Variants in PDE10A observed in about 807,000 individuals in gnomAD.
PDE10A encodes the protein cAMP and cAMP-inhibited cGMP 3',5'-cyclic phosphodiesterase 10A.
In PDE10A, 39 loss-of-function variants were observed where a neutral mutation model predicts 97.7. The ratio of observed to expected loss-of-function variants is 0.40; its 90% CI spans 0.31 to 0.52. PDE10A has a LOEUF of 0.52. Ranked by LOEUF, PDE10A falls within the 20% of genes least tolerant of loss-of-function variation. PDE10A has a pLI of 0.56. For synonymous variants in PDE10A, 371 were observed against 376.8 expected (o/e 0.98, Z 0.18); for missense variants, 731 against 1,047.8 (o/e 0.70, Z 4.17).
chr6:165,388,470 G>T lies in PDE10A; in HGVS notation c.2455-17C>A. The T allele has an allele frequency of 6.2e-7, 1 of 1,611,900 alleles. No homozygotes were observed. Among genetic ancestry groups the T allele is most frequent in the Non-Finnish European group, 8.5e-7 (1 of 1,178,606 alleles). On this transcript the variant is annotated splice_polypyrimidine_tract_variant and intron_variant, in intron 16 of 21. Coordinates refer to ENST00000539869, the MANE Select transcript of PDE10A (RefSeq NM_001385079.1). This position sits in a 1 kb window ranked among gnomAD's most constrained non-coding sequence, Gnocchi z 4.0. Reference sequence around the variant, plus strand: ...TCCTTTGCGCTTTAAAAAATAATATGATGCAGAGATGCTCAAAACACAGAA... The same window carrying T: ...TCCTTTGCGCTTTAAAAAATAATATTATGCAGAGATGCTCAAAACACAGAA...
chr6:165,635,251 T>C (rs915946674), intron 1 of PDE10A, among the ~76,000 whole-genome samples: 17 of 152,112 alleles, frequency 1.1e-4, no homozygotes, highest in Non-Finnish European at 4.4e-5. Context: ...CAAAATAAAA[T>C]AGCATTAAAA....
chr6:165,853,779 G>C (rs549324495), intron 1 of PDE10A, among the ~76,000 whole-genome samples: 2 of 152,328 alleles, frequency 1.3e-5, no homozygotes, highest in South Asian at 4.1e-4. Context: ...ATAACTTTTA[G>C]GAACGTAGCA....
At position 165,819,908 on chromosome 6, in the gene PDE10A, G is replaced by T. The variant is rs1475459886; in HGVS notation, c.-615+167621C>A. ...CTCTGTTTGTATGTAATAATCAGTG[G>T]TTAATATGGAATTCAGTAACACAAG... is the stretch of plus-strand genomic sequence containing the variant. On this transcript the variant is annotated intron_variant, in intron 1 of 19. Transcript: ENST00000366882. The surrounding 1 kb of genome is among the most constrained non-coding windows in gnomAD (Gnocchi z 4.2). Among the ~76,000 whole-genome samples the T allele has an allele frequency of 6.6e-6, 1 of 152,126 alleles. No individual in the cohort carries two copies. The highest frequency in any genetic ancestry group is 1.5e-5 in the Non-Finnish European group (1 of 68,038).
intron 1 of PDE10A, among the ~76,000 whole-genome samples, chr6:165,962,512 A>G (rs1369162073): frequency 6.6e-6 from 1 of 152,206 alleles, no homozygotes; most frequent in Non-Finnish European, 1.5e-5. Context: ...AAAGTCATGG[A>G]GAAATACCTT....
intron 1 of PDE10A, among the ~76,000 whole-genome samples, chr6:165,757,834 G>A (rs1248420695): frequency 2.6e-5 from 4 of 152,044 alleles, no homozygotes; most frequent in African/African-American, 4.8e-5. Context: ...TAATTTTTAT[G>A]TTTATTAGAA....
intron 1 of PDE10A, among the ~76,000 whole-genome samples, chr6:165,691,097 CTTTCTCT>C (rs1562686850): frequency 9.6e-5 from 4 of 41,760 alleles, no homozygotes; most frequent in African/African-American, 2.4e-4. Flanking sequence ...CTCTCTCTCT[CTTTCTCT>C]CTCCCCCCCC....
chr6:165,570,740 T>A (rs1045300434), intron 1 of PDE10A, among the ~76,000 whole-genome samples: 2 of 152,236 alleles, frequency 1.3e-5, no homozygotes, highest in Non-Finnish European at 2.9e-5. Flanking sequence ...AAACTACGTC[T>A]TAATCATCTT....
At position 165,687,575 on chromosome 6, in the gene PDE10A, A is replaced by G. The variant is rs915041560; in HGVS notation, c.-614-144007T>C. Reference sequence around the variant, plus strand: ...CTCAGTATTTGGATAGTGTTACCAAAGGAGCAACTGAAAAACGATTCTTTC... The same window carrying G: ...CTCAGTATTTGGATAGTGTTACCAAGGGAGCAACTGAAAAACGATTCTTTC... On this transcript the variant is annotated intron_variant, in intron 1 of 19. Transcript: ENST00000366882. Among the ~76,000 whole-genome samples, 3 of 152,212 alleles carry G rather than the reference A, an allele frequency of 2.0e-5. 1 individual carries two copies. Among genetic ancestry groups the G allele is most frequent in the African/African-American group, 2.4e-5 (1 of 41,464 alleles).
At chr6:165,619,605 C>CT (rs1195251728) in intron 1 of PDE10A, among the ~76,000 whole-genome samples, 1 of 11,586 alleles carries the variant, frequency 8.6e-5, no homozygotes. Flanking sequence ...TAGCGTAGTG[C>CT]ACTGTAGTCT....
chr6:165,956,833 G>A (rs1425610810), intron 1 of PDE10A, among the ~76,000 whole-genome samples: 1 of 152,184 alleles, frequency 6.6e-6, no homozygotes, highest in Non-Finnish European at 1.5e-5. Flanking sequence ...CTTAAGACCT[G>A]GCCATAGGCA....
At position 165,692,690 on chromosome 6, in the gene PDE10A, A is replaced by G. The variant is rs188932343; in HGVS notation, c.-614-149122T>C. On this transcript the variant is annotated intron_variant, in intron 1 of 19. Transcript: ENST00000366882. Reference sequence around the variant, plus strand: ...GCAGTAACGCATGCTGTACACAGACATGCCCTGCTAACCTTAGACAGCAGG... The same window carrying G: ...GCAGTAACGCATGCTGTACACAGACGTGCCCTGCTAACCTTAGACAGCAGG... Among the ~76,000 whole-genome samples the G allele has an allele frequency of 2.4e-4, 36 of 152,370 alleles. 1 individual carries two copies. The highest frequency in any genetic ancestry group is 2.1e-3 in the Admixed American group (32 of 15,304).
chr6:165,769,394 AG>A (rs1251018598), intron 1 of PDE10A, among the ~76,000 whole-genome samples: 1 of 152,226 alleles, frequency 6.6e-6, no homozygotes, highest in African/African-American at 2.4e-5. Flanking sequence ...ACTATAGAGT[AG>A]GTAGTCTATT....
chr6:165,343,316 A>C (rs751158189), intron 19 of PDE10A, 75 bp downstream of exon 19: 1 of 1,023,084 alleles, frequency 9.8e-7, no homozygotes, highest in Non-Finnish European at 1.5e-6. Context: ...TGAACAACTA[A>C]AGTATTCTTA....
intron 1 of PDE10A, among the ~76,000 whole-genome samples, chr6:165,958,751 AAGAAAGAAAGAAAGAAG>A (rs1784265676): frequency 2.4e-5 from 3 of 124,070 alleles, no homozygotes; most frequent in African/African-American, 8.7e-5. Context: ...AAGAAAGAGA[AAGAAAGAAAGAAAGAAG>A]AAAGCAAGCC....
intron 2 of PDE10A, among the ~76,000 whole-genome samples, chr6:165,497,960 T>C (rs528524837): frequency 1.3e-5 from 2 of 152,196 alleles, no homozygotes; most frequent in African/African-American, 4.8e-5. Flanking sequence ...AATGGCTATT[T>C]ATAAACATCT....
At position 165,416,199 on chromosome 6, in the gene PDE10A, G is replaced by A. The variant is rs1788300531; in HGVS notation, c.1879C>T (p.Arg627Cys). ...TCAGCTATTTCTTACCTGTTAAAGC[G>A]TGGGTCTGCATAGGCATCTGGAATG... Reference protein sequence around the residue: ...LNIPDAYADPRFNREVDLYTG... With the variant: ...LNIPDAYADPCFNREVDLYTG... Residue 627 changes from arginine to cysteine, a missense_variant, in exon 12 of 22, where the codon CGC becomes TGC. Arg to Cys is a radical substitution (Grantham distance 180). Coordinates refer to ENST00000539869, the MANE Select transcript of PDE10A (RefSeq NM_001385079.1). 4 of 1,603,914 alleles carry A rather than the reference G, an allele frequency of 2.5e-6. No homozygotes were observed. Among genetic ancestry groups the A allele is most frequent in the Non-Finnish European group, 3.4e-6 (4 of 1,170,928 alleles).
intron 1 of PDE10A, among the ~76,000 whole-genome samples, chr6:165,634,299 G>A (rs978943350): frequency 1.3e-5 from 2 of 152,128 alleles, no homozygotes; most frequent in African/African-American, 4.8e-5. Flanking sequence ...AGTGTGCGGA[G>A]TGTATCTGTT....
At chr6:165,885,993 C>T (rs1482716575) in intron 1 of PDE10A, among the ~76,000 whole-genome samples, 2 of 152,068 alleles carry the variant, frequency 1.3e-5, no homozygotes, top group Non-Finnish European at 2.9e-5. Context: ...TTCGTCTCCT[C>T]GAAAAATATT....
At chr6:165,446,486 G>C (rs922247101) in intron 5 of PDE10A, among the ~76,000 whole-genome samples, 1 of 152,162 alleles carries the variant, frequency 6.6e-6, no homozygotes, top group African/African-American at 2.4e-5. Flanking sequence ...TAGCTATCTA[G>C]GTGGAATGCA....
Sources: gnomAD v4.1 joint callset for allele counts (sites outside exome capture counted in the v4.1 genomes callset) on GRCh38, gnomAD v4.1.1 for gene constraint, Gnocchi (gnomAD v3.1) non-coding constraint, MANE v1.5 for transcripts, NCBI Gene and HGNC (gene_info 2026-07-23, HGNC 2026-07-21) for gene names.